Variants in OTULIN observed in about 807,000 individuals in gnomAD.
OTULIN encodes the protein ubiquitin thioesterase otulin.
In OTULIN, 15 loss-of-function variants were observed where a neutral mutation model predicts 39.6. The observed-to-expected ratio is 0.38, with a 90% CI of 0.25 to 0.58. OTULIN has a LOEUF of 0.58. Among genes scored for constraint, OTULIN ranks in the 20% least tolerant of loss-of-function variants. OTULIN has a pLI of 0.66. For synonymous variants in OTULIN, 156 were observed against 170.3 expected (o/e 0.92, Z 0.65); for missense variants, 319 against 445.9 (o/e 0.72, Z 2.56).
At chr5:14,707,319 C>CT in the OTULIN span, 1 of 151,686 alleles carries the variant, frequency 6.6e-6, no homozygotes, top group African/African-American at 2.4e-5. Context: ...CAGTCAGCTA[C>CT]TGAGTCTTCA....
At chr5:14,691,441 T>A (rs1579977601) in intron 6 of OTULIN, among the ~76,000 whole-genome samples, 1 of 152,318 alleles carries the variant, frequency 6.6e-6, no homozygotes, top group East Asian at 1.9e-4. Context: ...ATAGTTATTT[T>A]CAAAAATTAC....
At chr5:14,666,692 T>A (rs1735856631) in intron 1 of OTULIN, among the ~76,000 whole-genome samples, 1 of 152,222 alleles carries the variant, frequency 6.6e-6, no homozygotes, top group African/African-American at 2.4e-5. Flanking sequence ...TGCGTTTGAT[T>A]ATCTCATTCT....
chr5:14,700,287 C>G (rs116681827), downstream of OTULIN, among the ~76,000 whole-genome samples: 263 of 152,302 alleles, frequency 1.7e-3, 1 homozygote, highest in African/African-American at 5.8e-3. Flanking sequence ...GTAACAATAA[C>G]TCACTCAGAG....
In OTULIN at chr5:14,690,901, C is replaced by A. The variant is rs1377353483; in HGVS notation, c.864+593C>A. ...GGGTGGATGGGATTAGTACTCTTGGCTCTGGGAGGCTACAAATAAGTGAAG... is the reference window on the plus strand; with the variant it reads ...GGGTGGATGGGATTAGTACTCTTGGATCTGGGAGGCTACAAATAAGTGAAG... On this transcript the variant is annotated intron_variant, in intron 6 of 6. Transcript: ENST00000284274. This position sits in a 1 kb window ranked among gnomAD's most constrained non-coding sequence, Gnocchi z 4.5. Among the ~76,000 whole-genome samples the A allele has an allele frequency of 6.6e-6, 1 of 152,170 alleles. No individual in the cohort carries two copies. The highest frequency in any genetic ancestry group is 1.5e-5 in the Non-Finnish European group (1 of 68,034).
chr5:14,697,046 G>GGT lies in OTULIN; in HGVS notation c.*4014_*4015dup, dbSNP rs144242498. On this transcript the variant is annotated 3_prime_UTR_variant, in exon 7 of 7. Coordinates refer to ENST00000284274, the MANE Select transcript of OTULIN (RefSeq NM_138348.6). The stretch of plus-strand genomic sequence containing the variant: ...GGTGGGCTTGCCCATGACCAGGAGG[G>GGT]GTGTGTGTGTGTGTGTGCATGTGTG... 8.4e-3 allele frequency: 1,268 copies of GGT among 151,150 alleles called. 12 individuals are homozygous for GGT. Among genetic ancestry groups the GGT allele is most frequent in the Middle Eastern group, 0.041 (12 of 294 alleles). 9.4% of individuals were successfully genotyped at this position (151,150 alleles called of 1,614,324 possible). A position where few individuals can be genotyped will look rare whatever the true frequency, so the allele number is the denominator to read the frequency against.
the OTULIN span, among the ~76,000 whole-genome samples, chr5:14,714,871 A>T: frequency 6.6e-6 from 1 of 152,052 alleles, no homozygotes; most frequent in South Asian, 2.1e-4. Context: ...CAGCTGGGGC[A>T]CTCCAGGCCC....
At chr5:14,701,368 A>G (rs2126363307), downstream of OTULIN, among the ~76,000 whole-genome samples, 2 of 152,190 alleles carry the variant, frequency 1.3e-5, no homozygotes, top group Middle Eastern at 6.8e-3. Flanking sequence ...AAGCTTGTTG[A>G]TCTATGAGGC....
chr5:14,681,322 A>G (rs907731094), intron 3 of OTULIN, 142 bp from the exon 4 acceptor site: 59 of 857,728 alleles, frequency 6.9e-5, no homozygotes, highest in Non-Finnish European at 9.2e-5. Context: ...TGTTAAAACA[A>G]TTGCTTAGAA....
chr5:14,687,254 G>A (rs957443071), intron 4 of OTULIN, among the ~76,000 whole-genome samples: 3 of 152,168 alleles, frequency 2.0e-5, no homozygotes, highest in African/African-American at 7.2e-5. Flanking sequence ...TGTCCTGGCC[G>A]TGGTTGGAGT....
At chr5:14,675,031 A>C in intron 2 of OTULIN, among the ~76,000 whole-genome samples, 1 of 152,196 alleles carries the variant, frequency 6.6e-6, no homozygotes, top group East Asian at 1.9e-4. Flanking sequence ...TTTCTCATTG[A>C]AATTCTTGCC....
intron 4 of OTULIN, among the ~76,000 whole-genome samples, chr5:14,683,446 G>A (rs2126317232): frequency 6.6e-6 from 1 of 152,344 alleles, no homozygotes; most frequent in South Asian, 2.1e-4. Flanking sequence ...AGAATTGCCA[G>A]TTGGCGAAAG....
intron 5 of OTULIN, 138 bp from the exon 6 acceptor site, chr5:14,689,901 C>T (rs895490123): frequency 2.4e-5 from 20 of 840,126 alleles, no homozygotes; most frequent in Non-Finnish European, 3.4e-5. Context: ...ATTTGTTAAT[C>T]TGGAAACCTG....
intron 2 of OTULIN, among the ~76,000 whole-genome samples, chr5:14,675,177 A>G (rs937599482): frequency 7.2e-5 from 11 of 152,220 alleles, no homozygotes; most frequent in African/African-American, 2.7e-4. Flanking sequence ...ACAAGTTAGT[A>G]TGAGTTTATT....
rs1312839754 is a variant in OTULIN, at chr5:14,673,634, A to C, written c.153-8A>C. 1.2e-6 allele frequency: 2 copies of C among 1,611,602 alleles called. No individual in the cohort carries two copies. The highest frequency in any genetic ancestry group is 2.2e-5 in the East Asian group (1 of 44,770). On this transcript the variant is annotated splice_region_variant and splice_polypyrimidine_tract_variant and intron_variant, in intron 1 of 6. Transcript: ENST00000284274. Reference sequence around the variant, plus strand: ...TGTTTGAAAATGTCTGCTTTGGTGTAATTTCAGTGAGGAGGACATGTACCG... The same window carrying C: ...TGTTTGAAAATGTCTGCTTTGGTGTCATTTCAGTGAGGAGGACATGTACCG...
At chr5:14,681,090 C>T (rs1375101794) in intron 3 of OTULIN, among the ~76,000 whole-genome samples, 1 of 152,164 alleles carries the variant, frequency 6.6e-6, no homozygotes, top group Non-Finnish European at 1.5e-5. Context: ...AATTATTCAG[C>T]CATCTCCTGG....
chr5:14,664,819 C>G lies in OTULIN; in HGVS notation c.-7C>G. ...CCGGCTGAACCCCTTCGGCCGCGAG[C>G]GACCGCATGAGTCGGGGGACTATGC... On this transcript the variant is annotated 5_prime_UTR_variant, in exon 1 of 7. Coordinates refer to ENST00000284274, the MANE Select transcript of OTULIN (RefSeq NM_138348.6). 1 of 1,216,122 alleles carries G rather than the reference C, an allele frequency of 8.2e-7. No individual in the cohort carries two copies. The highest frequency in any genetic ancestry group is 3.2e-4 in the Middle Eastern group (1 of 3,106). The allele number at this position is 1,216,122 out of a possible 1,614,324, so 75.3% of individuals were successfully genotyped here.
the OTULIN span, chr5:14,707,568 G>A: frequency 8.5e-5 from 13 of 152,286 alleles, no homozygotes; most frequent in East Asian, 1.2e-3. Context: ...GCCCCGCTGC[G>A]ACGCATCCTG....
At chr5:14,678,515 G>A (rs565927171) in intron 2 of OTULIN, among the ~76,000 whole-genome samples, 166 bp from the exon 3 acceptor site, 2 of 152,314 alleles carry the variant, frequency 1.3e-5, no homozygotes, top group East Asian at 3.9e-4. Flanking sequence ...GTTATCTAGG[G>A]GTGAGGTGAT....
intron 1 of OTULIN, among the ~76,000 whole-genome samples, 167 bp from the exon 2 acceptor site, chr5:14,673,475 C>A (rs1579962201): frequency 6.6e-6 from 1 of 152,136 alleles, no homozygotes; most frequent in Non-Finnish European, 1.5e-5. Flanking sequence ...GAAACATAAG[C>A]ATCTTTATTC....
Sources: allele counts gnomAD v4.1 joint callset (sites outside exome capture counted in the v4.1 genomes callset), GRCh38; gene constraint gnomAD v4.1.1; non-coding constraint Gnocchi (gnomAD v3.1); transcripts MANE v1.5; gene names NCBI Gene and HGNC (gene_info 2026-07-23, HGNC 2026-07-21).